The following UCHL1 variants were observed in gnomAD, a reference collection of about 807,000 sequenced individuals.
UCHL1 encodes ubiquitin carboxyl-terminal hydrolase isozyme L1.
In UCHL1, 5 loss-of-function variants were observed where a neutral mutation model predicts 33.3. That is an observed-to-expected ratio of 0.15 (90% CI 0.08 to 0.32). The LOEUF is 0.32. Among genes scored for constraint, UCHL1 ranks in the 10% least tolerant of loss-of-function variants. The pLI, the probability that UCHL1 is intolerant of heterozygous loss-of-function variation, is 1.00. For synonymous variants in UCHL1, 132 were observed against 108.8 expected, an observed-to-expected ratio of 1.21 and a Z score of -1.33; for missense variants, 236 against 280.0, an observed-to-expected ratio of 0.84 and a Z score of 1.12.
At chr4:41,264,293 C>A in intron 8 of UCHL1, 132 bp downstream of exon 8, 1 of 1,147,802 alleles carries the variant, frequency 8.7e-7, no homozygotes, top group Non-Finnish European at 1.3e-6. Flanking sequence ...TTTAGGGCTG[C>A]AAGATCCTCT....
chr4:41,259,650 G>A lies in UCHL1; in HGVS notation c.175-997G>A, dbSNP rs866744438. Among the ~76,000 whole-genome samples the A allele has an allele frequency of 3.9e-5, 6 of 152,286 alleles. No homozygotes were observed. The East Asian group carries it at 5.8e-4, about 15-fold the overall frequency. On this transcript the variant is annotated intron_variant, in intron 3 of 8. Transcript: ENST00000284440. ...TCTGATGGTCTGTCTGGTTTTGCTC[G>A]TTATGGGAAATCAGTGTTTCTATAG...
At chr4:41,262,419 C>T (rs549191069) in intron 6 of UCHL1, among the ~76,000 whole-genome samples, 1 of 152,258 alleles carries the variant, frequency 6.6e-6, no homozygotes, top group African/African-American at 2.4e-5. Context: ...GCACTCCGGT[C>T]TGGGTGACCC....
rs867177652 is a variant in UCHL1, at chr4:41,257,685, C to T, written c.122C>T (p.Ser41Leu). 1.9e-6 allele frequency: 3 copies of T among 1,575,974 alleles called. No individual in the cohort carries two copies. Among genetic ancestry groups the T allele is most frequent in the Admixed American group, 1.8e-5 (1 of 55,580 alleles). ...VLGLEEESLGSVPAPACALLL... is the reference protein window; with the variant it reads ...VLGLEEESLGLVPAPACALLL... ...GGGCTGGAAGAGGAGTCTCTGGGCT[C>T]GGTGCCAGCGCCTGCCTGCGCGCTG... Residue 41 changes from serine to leucine, a missense_variant, in exon 3 of 9, where the codon TCG (serine) becomes TTG (leucine). By Grantham distance (145) the Ser-to-Leu change is moderately radical (BLOSUM62 -2). Transcript: ENST00000284440.
intron 3 of UCHL1, among the ~76,000 whole-genome samples, 187 bp downstream of exon 3, chr4:41,257,924 C>T (rs1580923263): frequency 6.6e-6 from 1 of 152,222 alleles, no homozygotes; most frequent in African/African-American, 2.4e-5. Flanking sequence ...GTGCCTGTCG[C>T]CTTCTTGCCC....
At chr4:41,257,803 C>CG in intron 3 of UCHL1, 66 bp downstream of exon 3, 3 of 1,516,372 alleles carry the variant, frequency 2.0e-6, no homozygotes, top group Non-Finnish European at 2.6e-6. Flanking sequence ...CTTGAGTCCT[C>CG]GGGGGCTCCC....
rs761709545 is a variant in UCHL1 at position 41,267,984 on chromosome 4, C to T, written c.586-3C>T. On this transcript the variant is annotated splice_polypyrimidine_tract_variant and splice_region_variant and intron_variant, in intron 8 of 8. Coordinates refer to ENST00000284440, the MANE Select transcript of UCHL1 (RefSeq NM_004181.5). ...GGATTTTAATGACATTTCTCCTTTC[C>T]AGGACGCTGCCAAGGTCTGCAGAGA... The T allele has an allele frequency of 2.5e-6, 4 of 1,612,492 alleles. No homozygotes were observed. In the Admixed American group the frequency reaches 6.7e-5, roughly 27 times the overall value.
chr4:41,258,530 A>T (rs1781020402), intron 3 of UCHL1, among the ~76,000 whole-genome samples: 1 of 151,944 alleles, frequency 6.6e-6, no homozygotes, highest in Non-Finnish European at 1.5e-5. Flanking sequence ...TAGCTAGGAT[A>T]TTTGCAGTCT....
Position 41,268,295 on chromosome 4 carries a change from C to T in UCHL1, c.*222C>T. ...TGTGAGCTTCAGATGGTGAAGCATTCTCCCCAGTGTATGTCTTGTATCCGA... is the reference window on the plus strand; with the variant it reads ...TGTGAGCTTCAGATGGTGAAGCATTTTCCCCAGTGTATGTCTTGTATCCGA... On this transcript the variant is annotated 3_prime_UTR_variant, in exon 9 of 9. Transcript: ENST00000284440. 2 of 603,914 alleles carry T rather than the reference C, an allele frequency of 3.3e-6. No individual in the cohort carries two copies. Among genetic ancestry groups the T allele is most frequent in the East Asian group, 2.8e-5 (1 of 35,856 alleles). 37.4% of individuals were successfully genotyped at this position (603,914 alleles called of 1,614,324 possible). A position where few individuals can be genotyped will look rare whatever the true frequency, so the allele number is the denominator to read the frequency against.
rs760542056 is a variant in UCHL1 at position 41,268,131 on chromosome 4, AC to A, written c.*65del. The A allele has an allele frequency of 1.8e-5, 26 of 1,482,402 alleles. No homozygotes were observed. Among genetic ancestry groups the A allele is most frequent in the Non-Finnish European group, 2.1e-5 (23 of 1,072,072 alleles). The allele number at this position is 1,482,402 out of a possible 1,614,324, so 91.8% of individuals were successfully genotyped here. On this transcript the variant is annotated 3_prime_UTR_variant, in exon 9 of 9. Coordinates refer to ENST00000284440, the MANE Select transcript of UCHL1 (RefSeq NM_004181.5). The stretch of plus-strand genomic sequence containing the variant: ...TCTTCCCTTCAACATGAAAATATAT[AC>A]CCCCCCATGCAGTCTAAAATGCTTC...
chr4:41,257,857 A>G (rs1781007876), intron 3 of UCHL1, 120 bp downstream of exon 3: 1 of 1,400,558 alleles, frequency 7.1e-7, no homozygotes, highest in African/African-American at 1.5e-5. Context: ...CGCGCCTACA[A>G]GGAAGGGAGG....
At chr4:41,260,918 G>T (rs1781059647) in intron 4 of UCHL1, 121 bp downstream of exon 4, 1 of 1,391,730 alleles carries the variant, frequency 7.2e-7, no homozygotes. Flanking sequence ...TAATGATGGT[G>T]TCAGACACTT....
chr4:41,264,576 G>C (rs1781124501), intron 8 of UCHL1: 1 of 208,794 alleles, frequency 4.8e-6, no homozygotes, highest in Non-Finnish European at 9.7e-6. Flanking sequence ...ATTCTAGTTA[G>C]GTGGTTAAAT....
chr4:41,261,207 G>A (rs567440567), intron 4 of UCHL1, among the ~76,000 whole-genome samples: 24 of 152,128 alleles, frequency 1.6e-4, no homozygotes, highest in African/African-American at 2.9e-4. Flanking sequence ...CTGAATAACC[G>A]AATTACTAAA....
intron 6 of UCHL1, 94 bp from the exon 7 acceptor site, chr4:41,263,131 A>G: frequency 2.1e-6 from 2 of 974,948 alleles, no homozygotes; most frequent in East Asian, 2.4e-5. Flanking sequence ...ATTTCTAAAA[A>G]TCAAGTCAGT....
intron 3 of UCHL1, among the ~76,000 whole-genome samples, chr4:41,259,127 T>C (rs1412744892): frequency 6.6e-6 from 1 of 152,258 alleles, no homozygotes; most frequent in East Asian, 1.9e-4. Context: ...CTTTGTCCTT[T>C]AGTTTCAATT....
At chr4:41,267,596 T>C (rs1781174881) in intron 8 of UCHL1, among the ~76,000 whole-genome samples, 1 of 152,224 alleles carries the variant, frequency 6.6e-6, no homozygotes, top group Non-Finnish European at 1.5e-5. Flanking sequence ...TTTTCTTTAT[T>C]CCAGGAATTT....
intron 8 of UCHL1, 156 bp downstream of exon 8, chr4:41,264,317 T>A: frequency 2.2e-6 from 2 of 894,530 alleles, no homozygotes; most frequent in Non-Finnish European, 3.6e-6. Context: ...TAACTCTATC[T>A]ACCTTATTTT....
chr4:41,259,696 A>AACAGTTAAAG (rs1781039564), intron 3 of UCHL1, among the ~76,000 whole-genome samples: 1 of 152,138 alleles, frequency 6.6e-6, no homozygotes, highest in South Asian at 2.1e-4. Flanking sequence ...CTACTCTTTA[A>AACAGTTAAAG]CTGGGAAGTC....
intron 7 of UCHL1, 52 bp downstream of exon 7, chr4:41,263,343 G>C: frequency 6.6e-7 from 1 of 1,518,848 alleles, no homozygotes; most frequent in South Asian, 1.1e-5. Context: ...TGTTCTTTCA[G>C]ACTGAATTTC....
Sources: gnomAD v4.1 joint callset for allele counts (sites outside exome capture counted in the v4.1 genomes callset) on GRCh38, gnomAD v4.1.1 for gene constraint, MANE v1.5 for transcripts, NCBI Gene and HGNC (gene_info 2026-07-23, HGNC 2026-07-21) for gene names.